CLEC4G: variants seen among roughly 807,000 people sequenced by gnomAD.
CLEC4G encodes C-type lectin domain family 4 member G, also known as C-type lectin superfamily 4, member G.
In CLEC4G, 34 loss-of-function variants were observed where a neutral mutation model predicts 37.0. The ratio of observed to expected loss-of-function variants is 0.92; its 90% CI spans 0.70 to 1.22. The LOEUF (loss-of-function observed/expected upper bound fraction) is 1.22, where lower values mean the gene tolerates loss of function less well. CLEC4G is among the 50% of genes most tolerant of loss of function. The pLI, the probability that CLEC4G is intolerant of heterozygous loss-of-function variation, is 0.00. For missense variants in CLEC4G, 390 were observed against 392.9 expected (o/e 0.99, Z 0.06); for synonymous variants, 167 against 165.6 (o/e 1.01, Z -0.06).
At position 7,731,977 on chromosome 19, in the gene CLEC4G, G is replaced by A. The variant is rs573231826; in HGVS notation, c.55+71C>T. The A allele has an allele frequency of 6.8e-6, 10 of 1,464,680 alleles. No individual in the cohort carries two copies. The Admixed American group carries it at 8.4e-5, about 12-fold the overall frequency. 90.7% of individuals were successfully genotyped at this position (1,464,680 alleles called of 1,614,324 possible). On this transcript the variant is annotated intron_variant, in intron 1 of 8. Coordinates refer to ENST00000328853, the MANE Select transcript of CLEC4G (RefSeq NM_198492.4). Reference sequence around the variant, plus strand: ...TGCACCCACAACCCTGGCCTGTCTCGACTCTTCCCTCCCCTCCCCCATCAA... The same window carrying A: ...TGCACCCACAACCCTGGCCTGTCTCAACTCTTCCCTCCCCTCCCCCATCAA...
At chr19:7,731,839 G>A in intron 1 of CLEC4G, 68 bp from the exon 2 acceptor site, 2 of 1,558,176 alleles carry the variant, frequency 1.3e-6, no homozygotes. Context: ...TTACTCCCAG[G>A]AAACTGAGAT....
In CLEC4G at chr19:7,731,171, A is replaced by C. The variant is rs1241315244; in HGVS notation, c.221-83T>G. On this transcript the variant is annotated intron_variant, in intron 3 of 8. Transcript: ENST00000328853. ...GGACCCCCTTCCAGCCTCAGGGACC[A>C]TAGGGCCCCCACGCACTCGAGACTC... 9 of 1,585,898 alleles carry C rather than the reference A, an allele frequency of 5.7e-6. No individual in the cohort carries two copies. In the East Asian group the frequency reaches 2.0e-4, roughly 36 times the overall value.
Position 7,730,318 on chromosome 19 carries a change from C to T in CLEC4G, c.478+33G>A. On this transcript the variant is annotated intron_variant, in intron 6 of 8. Coordinates refer to ENST00000328853, the MANE Select transcript of CLEC4G (RefSeq NM_198492.4). The surrounding 1 kb of genome is among the most constrained non-coding windows in gnomAD (Gnocchi z 7.3). The stretch of plus-strand genomic sequence containing the variant: ...GAGTGACAGGGTCCGCTTACGCCCT[C>T]ACAGCCCGCCCCCGACCCCCCGTCT... 1 of 1,588,246 alleles carries T rather than the reference C, an allele frequency of 6.3e-7. No individual in the cohort carries two copies. The highest frequency in any genetic ancestry group is 8.5e-7 in the Non-Finnish European group (1 of 1,171,310).
rs2033407183 is a variant in CLEC4G, at chr19:7,730,225, G to T, written c.479-58C>A. On this transcript the variant is annotated intron_variant, in intron 6 of 8. Coordinates refer to ENST00000328853, the MANE Select transcript of CLEC4G (RefSeq NM_198492.4). The surrounding 1 kb of genome is among the most constrained non-coding windows in gnomAD (Gnocchi z 7.3). ...GCTTCCAGGGGCAACGCACCGAGAGGATGCAGTGGGTAGGGGTTCGGCCCC... is the reference window on the plus strand; with the variant it reads ...GCTTCCAGGGGCAACGCACCGAGAGTATGCAGTGGGTAGGGGTTCGGCCCC... 5 of 1,594,520 alleles carry T rather than the reference G, an allele frequency of 3.1e-6. No homozygotes were observed. Among genetic ancestry groups the T allele is most frequent in the Non-Finnish European group, 4.3e-6 (5 of 1,172,022 alleles).
Position 7,731,273 on chromosome 19 carries a change from C to T in CLEC4G, c.213G>A (p.Arg71=). Residue 71 remains arginine (R), a synonymous_variant, in exon 3 of 9, where the codon AGG becomes AGA. Transcript: ENST00000328853. ...GCCCGGCTCTGCACACACCGTTTGTCCTCAGCAGGTCGTGGCCGTCAAGCA... is the reference window on the plus strand; with the variant it reads ...GCCCGGCTCTGCACACACCGTTTGTTCTCAGCAGGTCGTGGCCGTCAAGCA... The part of the protein sequence containing the change: ...AALLDGHDLL[R]TNASKQTAAL... The T allele has an allele frequency of 6.3e-7, 1 of 1,592,508 alleles. No homozygotes were observed. The highest frequency in any genetic ancestry group is 8.5e-7 in the Non-Finnish European group (1 of 1,173,380).
At chr19:7,729,958 A>G in intron 7 of CLEC4G, 22 bp from the exon 8 acceptor site, 2 of 1,613,164 alleles carry the variant, frequency 1.2e-6, no homozygotes, top group Non-Finnish European at 8.5e-7. Flanking sequence ...GGGACATCTG[A>G]GCCTGCAGAG....
Position 7,729,344 on chromosome 19 carries a change from G to A in CLEC4G, c.*22C>T, listed in dbSNP as rs749048772. The A allele has an allele frequency of 3.3e-5, 51 of 1,554,502 alleles. No individual in the cohort carries two copies. In the East Asian group the frequency reaches 5.2e-4, roughly 16 times the overall value. ...GGATACGACATGCTGCAATGGGCGC[G>A]GCTCCAGGGCACTGGGCGGGGTCAG... is the stretch of plus-strand genomic sequence containing the variant. On this transcript the variant is annotated 3_prime_UTR_variant, in exon 9 of 9. Coordinates refer to ENST00000328853, the MANE Select transcript of CLEC4G (RefSeq NM_198492.4).
rs2033407592 is a variant in CLEC4G, at chr19:7,730,255, G to A, written c.479-88C>T. On this transcript the variant is annotated intron_variant, in intron 6 of 8. Coordinates refer to ENST00000328853, the MANE Select transcript of CLEC4G (RefSeq NM_198492.4). The surrounding 1 kb of genome is among the most constrained non-coding windows in gnomAD (Gnocchi z 7.3). The stretch of plus-strand genomic sequence containing the variant: ...AGTGGGTAGGGGTTCGGCCCCGCGG[G>A]CTCAGGGGTGGAGACACAGAACCAG... The A allele has an allele frequency of 6.4e-7, 1 of 1,572,732 alleles. No homozygotes were observed. The highest frequency in any genetic ancestry group is 1.1e-5 in the South Asian group (1 of 87,224).
Position 7,729,048 on chromosome 19 carries a change from C to A in CLEC4G, c.*318G>T. On this transcript the variant is annotated 3_prime_UTR_variant, in exon 9 of 9. Coordinates refer to ENST00000328853, the MANE Select transcript of CLEC4G (RefSeq NM_198492.4). Reference sequence around the variant, plus strand: ...TGGAAAATGCGAGAAAACCAAACAGCTCCAGTCCTCAGTCACCTAACCTTG... The same window carrying A: ...TGGAAAATGCGAGAAAACCAAACAGATCCAGTCCTCAGTCACCTAACCTTG... 2.2e-6 allele frequency: 1 copy of A among 451,634 alleles called. No homozygotes were observed. The highest frequency in any genetic ancestry group is 4.2e-6 in the Non-Finnish European group (1 of 237,580). The allele number at this position is 451,634 out of a possible 1,614,324, so 28.0% of individuals were successfully genotyped here. A position where few individuals can be genotyped will look rare whatever the true frequency, so the allele number is the denominator to read the frequency against.
rs2033414686 is a variant in CLEC4G at position 7,730,671 on chromosome 19, G to A, written c.388+84C>T. On this transcript the variant is annotated intron_variant, in intron 5 of 8. Coordinates refer to ENST00000328853, the MANE Select transcript of CLEC4G (RefSeq NM_198492.4). This position sits in a 1 kb window ranked among gnomAD's most constrained non-coding sequence, Gnocchi z 7.3. ...CAGGGTCAGGACGGGGTGCATGATC[G>A]GGGTCGGGGGTCAGCACTCAGGACG... 3 of 1,470,910 alleles carry A rather than the reference G, an allele frequency of 2.0e-6. No homozygotes were observed. Among genetic ancestry groups the A allele is most frequent in the Non-Finnish European group, 2.7e-6 (3 of 1,113,978 alleles). The allele number at this position is 1,470,910 out of a possible 1,614,324, so 91.1% of individuals were successfully genotyped here.
At chr19:7,729,693 T>C in intron 8 of CLEC4G, 128 bp downstream of exon 8, 1 of 1,481,560 alleles carries the variant, frequency 6.7e-7, no homozygotes, top group South Asian at 1.3e-5. Flanking sequence ...GGACAGTTCC[T>C]GGGGTCCAGC....
chr19:7,729,323 A>G lies in CLEC4G; in HGVS notation c.*43T>C. The G allele has an allele frequency of 2.1e-6, 3 of 1,403,728 alleles. No homozygotes were observed. The highest frequency in any genetic ancestry group is 1.4e-5 in the African/African-American group (1 of 71,240). The allele number at this position is 1,403,728 out of a possible 1,614,324, so 87.0% of individuals were successfully genotyped here. ...CAGGGAGGTGAGCAGCCCCCAGGAT[A>G]CGACATGCTGCAATGGGCGCGGCTC... is the stretch of plus-strand genomic sequence containing the variant. On this transcript the variant is annotated 3_prime_UTR_variant, in exon 9 of 9. Coordinates refer to ENST00000328853, the MANE Select transcript of CLEC4G (RefSeq NM_198492.4).
chr19:7,730,378 C>A lies in CLEC4G; in HGVS notation c.451G>T (p.Ala151Ser). 1.2e-6 allele frequency: 2 copies of A among 1,603,276 alleles called. No individual in the cohort carries two copies. Among genetic ancestry groups the A allele is most frequent in the Non-Finnish European group, 8.5e-7 (1 of 1,179,846 alleles). ...TTCTGGAGCCTCACGGCCTCCAGCG[C>A]CCGGAACAGCTCAGTGCGGACGTCC... ...REDVRTELFR[A>S]LEAVRLQNNS... The change falls in exon 6 of 9, where the codon GCG becomes TCG. Residue 151 changes from alanine (A) to serine (S), a missense_variant. By Grantham distance (99) the Ala-to-Ser change is moderately conservative. Coordinates refer to ENST00000328853, the MANE Select transcript of CLEC4G (RefSeq NM_198492.4). This position sits in a 1 kb window ranked among gnomAD's most constrained non-coding sequence, Gnocchi z 7.3.
At position 7,730,504 on chromosome 19, in the gene CLEC4G, C is replaced by T; in HGVS notation, c.389-64G>A. ...GGGCCAGGACCAGGGTCATGACTAGCTAAAGGTCAGGACCCCTGTCTGTGG... is the reference window on the plus strand; with the variant it reads ...GGGCCAGGACCAGGGTCATGACTAGTTAAAGGTCAGGACCCCTGTCTGTGG... On this transcript the variant is annotated intron_variant, in intron 5 of 8. Transcript: ENST00000328853. This position sits in a 1 kb window ranked among gnomAD's most constrained non-coding sequence, Gnocchi z 7.3. 2.5e-6 allele frequency: 4 copies of T among 1,575,446 alleles called. No homozygotes were observed. The highest frequency in any genetic ancestry group is 1.8e-5 in the Admixed American group (1 of 56,430).
In CLEC4G at chr19:7,729,033, G is replaced by A. The variant is rs1044344048; in HGVS notation, c.*333C>T. The A allele has an allele frequency of 2.4e-6, 1 of 412,976 alleles. No homozygotes were observed. The highest frequency in any genetic ancestry group is 5.6e-5 in the East Asian group (1 of 17,782). 25.6% of individuals were successfully genotyped at this position (412,976 alleles called of 1,614,324 possible). A position where few individuals can be genotyped will look rare whatever the true frequency, so the allele number is the denominator to read the frequency against. ...CAGCTTCCAGTTTGGTGGAAAATGC[G>A]AGAAAACCAAACAGCTCCAGTCCTC... is the stretch of plus-strand genomic sequence containing the variant. On this transcript the variant is annotated 3_prime_UTR_variant, in exon 9 of 9. Coordinates refer to ENST00000328853, the MANE Select transcript of CLEC4G (RefSeq NM_198492.4).
chr19:7,731,252 G>C lies in CLEC4G; in HGVS notation c.220+14C>G, dbSNP rs2033427718. ...TCACGCCCCGGGGGCCCAGGCGCCC[G>C]GCTCTGCACACACCGTTTGTCCTCA... is the stretch of plus-strand genomic sequence containing the variant. On this transcript the variant is annotated intron_variant, in intron 3 of 8. Transcript: ENST00000328853. The C allele has an allele frequency of 6.3e-7, 1 of 1,583,780 alleles. No individual in the cohort carries two copies. The highest frequency in any genetic ancestry group is 1.7e-5 in the Admixed American group (1 of 57,214).
rs1412695287 is a variant in CLEC4G, at chr19:7,731,307, C to T, written c.179G>A (p.Arg60His). ...SILLSKASTE[R>H]AALLDGHDLL... ...GTCGTGGCCGTCAAGCAGCGCCGCG[C>T]GCTCCGTGGAGGCTGAGGAGAGAGG... The change falls in exon 3 of 9, where the codon CGC (arginine) becomes CAC (histidine). Residue 60 changes from arginine to histidine, a missense_variant. By Grantham distance (29) the Arg-to-His change is conservative. Transcript: ENST00000328853. 3 of 1,578,558 alleles carry T rather than the reference C, an allele frequency of 1.9e-6. No individual in the cohort carries two copies. Among genetic ancestry groups the T allele is most frequent in the Non-Finnish European group, 1.7e-6 (2 of 1,167,072 alleles).
intron 3 of CLEC4G, 78 bp from the exon 4 acceptor site, chr19:7,731,166 G>C: frequency 6.3e-7 from 1 of 1,588,032 alleles, no homozygotes; most frequent in Non-Finnish European, 8.5e-7. Flanking sequence ...CCAGCCTCAG[G>C]GACCATAGGG....
rs750947396 is a variant in CLEC4G at position 7,730,453 on chromosome 19, G to A, written c.389-13C>T. 5.0e-6 allele frequency: 8 copies of A among 1,599,548 alleles called. No homozygotes were observed. Among genetic ancestry groups the A allele is most frequent in the Non-Finnish European group, 6.8e-6 (8 of 1,179,512 alleles). On this transcript the variant is annotated splice_polypyrimidine_tract_variant and intron_variant, in intron 5 of 8. Coordinates refer to ENST00000328853, the MANE Select transcript of CLEC4G (RefSeq NM_198492.4). The surrounding 1 kb of genome is among the most constrained non-coding windows in gnomAD (Gnocchi z 7.3). The stretch of plus-strand genomic sequence containing the variant: ...AAGCCCTGGGTCACTGCGGGGTCAA[G>A]GGAGCGGGGATTATGGCTGGGGTCA...
Sources: allele counts gnomAD v4.1 joint callset, GRCh38; gene constraint gnomAD v4.1.1; non-coding constraint Gnocchi (gnomAD v3.1); transcripts MANE v1.5; gene names NCBI Gene and HGNC (gene_info 2026-07-23, HGNC 2026-07-21).